TMEM74: variants seen among roughly 807,000 people sequenced by gnomAD.
The protein encoded by TMEM74 is transmembrane protein 74.
A neutral mutation model predicts 18.1 loss-of-function variants in TMEM74; 13 were observed. The observed-to-expected ratio is 0.72, with a 90% CI of 0.47 to 1.14. TMEM74 has a LOEUF of 1.14. TMEM74 is among the 50% of genes most tolerant of loss of function. The pLI, the probability that TMEM74 is intolerant of heterozygous loss-of-function variation, is 0.00. For missense variants in TMEM74, 372 were observed against 375.9 expected (o/e 0.99, Z 0.09); for synonymous variants, 159 against 146.6 (o/e 1.08, Z -0.61).
chr8:108,686,335 A>T (rs1813167155), intron 1 of TMEM74, among the ~76,000 whole-genome samples: 1 of 151,860 alleles, frequency 6.6e-6, no homozygotes, highest in South Asian at 2.1e-4. Context: ...AGTAGCTGGG[A>T]CTACAGGCAC....
intron 2 of TMEM74, among the ~76,000 whole-genome samples, chr8:108,646,625 A>AC (rs1350691192): frequency 6.6e-6 from 1 of 152,154 alleles, no homozygotes; most frequent in African/African-American, 2.4e-5. Context: ...TTGTTGTTAA[A>AC]CTGTGATCTG....
chr8:108,652,936 T>A (rs1812788485), intron 2 of TMEM74: 1 of 332,134 alleles, frequency 3.0e-6, no homozygotes, highest in Non-Finnish European at 5.9e-6. Context: ...ATGAATTTTC[T>A]AGCGACTTGC....
chr8:108,694,315 G>A (rs1364577223), intron 1 of TMEM74, among the ~76,000 whole-genome samples: 6 of 151,882 alleles, frequency 4.0e-5, no homozygotes, highest in African/African-American at 1.2e-4. Context: ...AAGTTGAATA[G>A]TATTCAGCCA....
At chr8:108,673,965 T>G (rs1179348558) in intron 1 of TMEM74, among the ~76,000 whole-genome samples, 1 of 152,160 alleles carries the variant, frequency 6.6e-6, no homozygotes, top group Non-Finnish European at 1.5e-5. Flanking sequence ...TTTTAAAAAT[T>G]TCCTATTATT....
intron 1 of TMEM74, among the ~76,000 whole-genome samples, chr8:108,735,657 T>C (rs118018291): frequency 0.019 from 2,821 of 152,322 alleles, 46 homozygotes; most frequent in Non-Finnish European, 0.027. Flanking sequence ...TTATGAATAA[T>C]CCCTCTGTAA....
intron 2 of TMEM74, among the ~76,000 whole-genome samples, chr8:108,614,448 A>G (rs775931948): frequency 1.1e-4 from 17 of 152,220 alleles, no homozygotes; most frequent in Non-Finnish European, 2.5e-4. Context: ...GGGAATAGAA[A>G]CAAGACTCGC....
At chr8:108,686,547 G>A in intron 1 of TMEM74, among the ~76,000 whole-genome samples, 1 of 152,014 alleles carries the variant, frequency 6.6e-6, no homozygotes, top group Non-Finnish European at 1.5e-5. Context: ...CTTTATTGGA[G>A]GGAAGTATTA....
Position 108,784,941 on chromosome 8 carries a change from G to C in TMEM74, c.158C>G (p.Thr53Ser), listed in dbSNP as rs1013027672. 6.2e-7 allele frequency: 1 copy of C among 1,614,022 alleles called. No homozygotes were observed. The highest frequency in any genetic ancestry group is 8.5e-7 in the Non-Finnish European group (1 of 1,180,038). Residue 53 changes from threonine to serine, a missense_variant, in exon 2 of 2, where the codon ACC (threonine) becomes AGC (serine). Physicochemically the swap from Thr to Ser is moderately conservative, Grantham distance 58. Coordinates refer to ENST00000297459, the MANE Select transcript of TMEM74 (RefSeq NM_153015.3). Reference protein sequence around the residue: ...QKQCASTPRATEMEGSKLSSS... With the variant: ...QKQCASTPRASEMEGSKLSSS... ...ACTAAGTTTAGACCCTTCCATCTCG[G>C]TTGCTCTTGGGGTGGATGCACACTG... is the stretch of plus-strand genomic sequence containing the variant.
chr8:108,654,142 G>A (rs1812799736), intron 2 of TMEM74, among the ~76,000 whole-genome samples: 1 of 151,920 alleles, frequency 6.6e-6, no homozygotes, highest in Non-Finnish European at 1.5e-5. Flanking sequence ...TAGATCTTGA[G>A]CTTGCATTAC....
chr8:108,674,772 T>C (rs1204198071), intron 1 of TMEM74, among the ~76,000 whole-genome samples: 1 of 152,176 alleles, frequency 6.6e-6, no homozygotes, highest in Admixed American at 6.5e-5. Flanking sequence ...CCACTCACAT[T>C]GTCCTCTATG....
intron 1 of TMEM74, among the ~76,000 whole-genome samples, chr8:108,740,210 A>G (rs1000640883): frequency 3.3e-5 from 5 of 152,054 alleles, no homozygotes; most frequent in Admixed American, 1.3e-4. Context: ...TCTTCCCAAC[A>G]CTCAGCTTTT....
intron 2 of TMEM74, chr8:108,655,230 G>A (rs969391456): frequency 1.3e-5 from 2 of 152,024 alleles, no homozygotes; most frequent in African/African-American, 4.8e-5. Flanking sequence ...CTTTCATTGA[G>A]GCATGCAGTA....
chr8:108,771,745 CT>C, intron 1 of TMEM74, among the ~76,000 whole-genome samples: 1 of 152,104 alleles, frequency 6.6e-6, no homozygotes, highest in African/African-American at 2.4e-5. Context: ...TTGGTATTTC[CT>C]TTTTTTAGCT....
chr8:108,690,527 T>A (rs1447024039), intron 1 of TMEM74, among the ~76,000 whole-genome samples: 1 of 151,958 alleles, frequency 6.6e-6, no homozygotes, highest in African/African-American at 2.4e-5. Flanking sequence ...AACAAATAAT[T>A]CTGTCAGAAA....
chr8:108,760,023 A>T (rs1263606306), intron 1 of TMEM74, among the ~76,000 whole-genome samples: 1 of 152,050 alleles, frequency 6.6e-6, no homozygotes, highest in East Asian at 1.9e-4. Flanking sequence ...AATACAAAAA[A>T]TTAGCCAGGT....
At chr8:108,657,905 A>ATATATATAG (rs1812861589) in intron 1 of TMEM74, among the ~76,000 whole-genome samples, 1 of 117,696 alleles carries the variant, frequency 8.5e-6, no homozygotes, top group South Asian at 2.7e-4. Flanking sequence ...TATATATATT[A>ATATATATAG]ATTACATATA....
At chr8:108,687,822 T>C (rs1406075058) in intron 1 of TMEM74, among the ~76,000 whole-genome samples, 1 of 152,064 alleles carries the variant, frequency 6.6e-6, no homozygotes, top group Non-Finnish European at 1.5e-5. Flanking sequence ...TGGCTGTATA[T>C]ACAGATGAAG....
intron 1 of TMEM74, among the ~76,000 whole-genome samples, chr8:108,690,400 G>T (rs994073227): frequency 1.3e-5 from 2 of 149,942 alleles, no homozygotes; most frequent in Admixed American, 6.6e-5. Flanking sequence ...TTTTTTTTTA[G>T]TCCCCCAGTG....
intron 1 of TMEM74, among the ~76,000 whole-genome samples, chr8:108,657,913 A>ATATATATATATATATATATTAATTACATG: frequency 7.3e-6 from 1 of 136,478 alleles, no homozygotes; most frequent in African/African-American, 2.7e-5. Flanking sequence ...TTAATTACAT[A>ATATATATATATATATATATTAATTACATG]TATATATTTC....
Sources: gnomAD v4.1 joint callset for allele counts (sites outside exome capture counted in the v4.1 genomes callset) on GRCh38, gnomAD v4.1.1 for gene constraint, MANE v1.5 for transcripts, NCBI Gene and HGNC (gene_info 2026-07-23, HGNC 2026-07-21) for gene names.